PHKB: variants seen among roughly 807,000 people sequenced by gnomAD.
PHKB encodes the protein phosphorylase b kinase regulatory subunit beta.
In PHKB, 122 loss-of-function variants were observed where a neutral mutation model predicts 152.1. The observed-to-expected ratio is 0.80, with a 90% confidence interval of 0.69 to 0.93. PHKB has a LOEUF of 0.93. Among genes scored for constraint, PHKB ranks in the 40% least tolerant of loss-of-function variants. PHKB has a pLI of 0.00. For synonymous variants in PHKB, 436 were observed against 464.9 expected (o/e 0.94, Z 0.80); for missense variants, 1,304 against 1,328.4 (o/e 0.98, Z 0.29).
chr16:47,680,260 G>A (rs1378626462), intron 26 of PHKB, among the ~76,000 whole-genome samples: 2 of 152,114 alleles, frequency 1.3e-5, no homozygotes, highest in African/African-American at 4.8e-5. Flanking sequence ...CCAGGCTTTG[G>A]TATCAGGATT....
At chr16:47,479,058 C>T (rs967858398) in intron 1 of PHKB, among the ~76,000 whole-genome samples, 1 of 152,122 alleles carries the variant, frequency 6.6e-6, no homozygotes, top group African/African-American at 2.4e-5. Context: ...GGGACTTAGA[C>T]CAGATACTTG....
intron 1 of PHKB, among the ~76,000 whole-genome samples, chr16:47,487,602 C>T (rs1029533488): frequency 6.6e-6 from 1 of 152,086 alleles, no homozygotes; most frequent in African/African-American, 2.4e-5. Context: ...CCTACCCTTC[C>T]ACCCTCAAAG....
In PHKB at chr16:47,631,251, A is replaced by G. The variant is rs1972821049; in HGVS notation, c.1459-9784A>G. Among the ~76,000 whole-genome samples the G allele has an allele frequency of 6.6e-5, 10 of 152,328 alleles. No homozygotes were observed. The South Asian group carries it at 2.1e-3, about 32-fold the overall frequency. ...TGCCATATTGATTTCAGACCTGGAC[A>G]TACGTGCAGTCAGGTTAAACTCTAT... On this transcript the variant is annotated intron_variant, in intron 14 of 30. Coordinates refer to ENST00000323584, the MANE Select transcript of PHKB (RefSeq NM_000293.3).
intron 14 of PHKB, chr16:47,619,521 T>C (rs534910251): frequency 6.6e-6 from 1 of 152,326 alleles, no homozygotes; most frequent in African/African-American, 2.4e-5. Flanking sequence ...CACAAATCTA[T>C]AACAGTAATT....
chr16:47,650,160 C>T (rs916181983), intron 18 of PHKB, among the ~76,000 whole-genome samples: 1 of 151,982 alleles, frequency 6.6e-6, no homozygotes, highest in Non-Finnish European at 1.5e-5. Context: ...ACCTGTAATC[C>T]CAGCACTTTG....
chr16:47,621,717 A>C (rs1406540606), intron 14 of PHKB, among the ~76,000 whole-genome samples: 1 of 152,238 alleles, frequency 6.6e-6, no homozygotes, highest in East Asian at 1.9e-4. Context: ...GTAAAACAGA[A>C]TAAAATAGTC....
intron 3 of PHKB, among the ~76,000 whole-genome samples, chr16:47,502,268 T>C (rs1970336105): frequency 6.6e-6 from 1 of 152,138 alleles, no homozygotes; most frequent in South Asian, 2.1e-4. Context: ...TGATTTATAA[T>C]AAAAAGCAAC....
At chr16:47,682,114 T>G (rs1224199979) in intron 26 of PHKB, among the ~76,000 whole-genome samples, 1 of 152,114 alleles carries the variant, frequency 6.6e-6, no homozygotes, top group African/African-American at 2.4e-5. Context: ...TTGGCTTGTA[T>G]TCTGCCAAGA....
chr16:47,481,921 A>G (rs768549359), intron 1 of PHKB, among the ~76,000 whole-genome samples: 3 of 152,136 alleles, frequency 2.0e-5, no homozygotes, highest in Non-Finnish European at 2.9e-5. Flanking sequence ...CCTTTTAGCT[A>G]TGAAGACCTT....
intron 18 of PHKB, among the ~76,000 whole-genome samples, chr16:47,649,713 G>T (rs936174026): frequency 8.1e-6 from 1 of 123,548 alleles, no homozygotes; most frequent in Admixed American, 7.4e-5. Flanking sequence ...CTTGCCAGCT[G>T]TGTGTTCTTG....
chr16:47,536,830 A>C (rs1260926724), intron 6 of PHKB, among the ~76,000 whole-genome samples: 1 of 152,226 alleles, frequency 6.6e-6, no homozygotes, highest in Non-Finnish European at 1.5e-5. Context: ...ACTTGGAACA[A>C]AAATTAAGAG....
chr16:47,579,350 C>T (rs1597099474), intron 7 of PHKB, among the ~76,000 whole-genome samples: 1 of 152,196 alleles, frequency 6.6e-6, no homozygotes, highest in South Asian at 2.1e-4. Flanking sequence ...CATTCAAACA[C>T]CTGGAAGGCT....
intron 13 of PHKB, among the ~76,000 whole-genome samples, chr16:47,607,571 A>G (rs1972349292): frequency 6.6e-6 from 1 of 152,128 alleles, no homozygotes; most frequent in South Asian, 2.1e-4. Context: ...CATTTTATTT[A>G]CCCATTCATC....
At chr16:47,623,486 G>GT (rs5816578) in intron 14 of PHKB, among the ~76,000 whole-genome samples, 1,366 of 118,712 alleles carry the variant, frequency 0.012, 19 homozygotes, top group African/African-American at 0.031. Context: ...TTTGAACTTG[G>GT]TTTTTTTTTT....
In PHKB at chr16:47,689,057, A is replaced by G. The variant is rs1054889722; in HGVS notation, c.2647A>G (p.Met883Val). 8.1e-6 allele frequency: 13 copies of G among 1,613,950 alleles called. No individual in the cohort carries two copies. Among genetic ancestry groups the G allele is most frequent in the Middle Eastern group, 1.6e-4 (1 of 6,076 alleles). Residue 883 changes from methionine to valine, a missense_variant, in exon 27 of 31, where the codon ATG becomes GTG. Transcript: ENST00000323584. ...TTGTTTCAGGTGGATCATCCATGCC[A>G]TGGAGTATGAACTTCAGATCCGTGG... is the stretch of plus-strand genomic sequence containing the variant. ...KIRIGWIIHA[M>V]EYELQIRGGD... is the part of the protein sequence containing the mutation.
At chr16:47,550,352 T>G (rs1332998296) in intron 7 of PHKB, among the ~76,000 whole-genome samples, 1 of 152,238 alleles carries the variant, frequency 6.6e-6, no homozygotes, top group Non-Finnish European at 1.5e-5. Context: ...TTGGGATTAA[T>G]TGGATCTATT....
At chr16:47,510,838 T>A (rs1970498304) in intron 4 of PHKB, among the ~76,000 whole-genome samples, 1 of 152,216 alleles carries the variant, frequency 6.6e-6, no homozygotes, top group Non-Finnish European at 1.5e-5. Context: ...CTTATTTCTC[T>A]TTAAAAGAGA....
intron 12 of PHKB, among the ~76,000 whole-genome samples, chr16:47,594,776 C>G (rs1972089584): frequency 6.6e-6 from 1 of 152,064 alleles, no homozygotes; most frequent in South Asian, 2.1e-4. Context: ...CAGCAGGGAC[C>G]CTCAAAAAAC....
intron 7 of PHKB, among the ~76,000 whole-genome samples, chr16:47,555,529 A>G (rs1326381984): frequency 6.6e-6 from 1 of 152,236 alleles, no homozygotes; most frequent in Non-Finnish European, 1.5e-5. Flanking sequence ...TATTAGAATA[A>G]AGATGTTAAG....
Sources: allele counts gnomAD v4.1 joint callset (sites outside exome capture counted in the v4.1 genomes callset), GRCh38; gene constraint gnomAD v4.1.1; transcripts MANE v1.5; gene names NCBI Gene and HGNC (gene_info 2026-07-23, HGNC 2026-07-21).